The following PACRG variants were observed in gnomAD, a reference collection of about 807,000 sequenced individuals.
PACRG encodes the protein parkin coregulated gene protein.
A neutral mutation model predicts 29.7 loss-of-function variants in PACRG; 29 were observed. The observed-to-expected ratio is 0.98, with a 90% CI of 0.73 to 1.33. PACRG has a LOEUF of 1.33. Ranked by LOEUF, PACRG falls within the 40% of genes most tolerant of loss-of-function variation. The pLI is 0.00. For synonymous variants in PACRG, 116 were observed against 118.7 expected (o/e 0.98, Z 0.15); for missense variants, 279 against 316.2 (o/e 0.88, Z 0.89).
intron 4 of PACRG, among the ~76,000 whole-genome samples, chr6:163,197,629 T>G (rs1780528659): frequency 6.6e-6 from 1 of 151,792 alleles, no homozygotes. Context: ...TTTCGTGTTT[T>G]TAGTAGAGAC....
chr6:163,271,636 C>CGCATGTATATCAATTAAATTCCT (rs1554238323), intron 4 of PACRG, among the ~76,000 whole-genome samples: 1 of 152,156 alleles, frequency 6.6e-6, no homozygotes, highest in Non-Finnish European at 1.5e-5. Context: ...TTTGAGATGA[C>CGCATGTATATCAATTAAATTCCT]GCATGTATAT....
At chr6:163,220,499 C>T (rs1395303578) in intron 4 of PACRG, among the ~76,000 whole-genome samples, 4 of 152,024 alleles carry the variant, frequency 2.6e-5, no homozygotes, top group Non-Finnish European at 4.4e-5. Flanking sequence ...GGCTCTAAGG[C>T]GGAGAAGATG....
At chr6:162,986,136 G>A (rs1584940646) in intron 2 of PACRG, among the ~76,000 whole-genome samples, 1 of 152,082 alleles carries the variant, frequency 6.6e-6, no homozygotes, top group East Asian at 1.9e-4. Flanking sequence ...TGACCATACT[G>A]CCAAAAGTAA....
intron 4 of PACRG, among the ~76,000 whole-genome samples, chr6:163,276,577 G>A (rs961944160): frequency 1.3e-5 from 2 of 152,132 alleles, no homozygotes; most frequent in Non-Finnish European, 2.9e-5. Context: ...GTGGGTTGCC[G>A]TGGTCGGAAT....
At chr6:163,038,251 A>G (rs1808388307) in intron 2 of PACRG, among the ~76,000 whole-genome samples, 1 of 152,344 alleles carries the variant, frequency 6.6e-6, no homozygotes, top group Non-Finnish European at 1.5e-5. Flanking sequence ...GAATAAAAAG[A>G]TGAACATCAA....
intron 2 of PACRG, among the ~76,000 whole-genome samples, chr6:162,907,779 A>G (rs550019231): frequency 6.6e-6 from 1 of 152,336 alleles, no homozygotes; most frequent in South Asian, 2.1e-4. Flanking sequence ...ACATATTTTG[A>G]AAGCAAGTCC....
chr6:163,127,610 G>A (rs1208814962), intron 4 of PACRG, among the ~76,000 whole-genome samples: 1 of 152,104 alleles, frequency 6.6e-6, no homozygotes, highest in Non-Finnish European at 1.5e-5. Context: ...CCCCTTCCTG[G>A]GCTATAGAAT....
chr6:162,752,903 A>C (rs1475751880), intron 1 of PACRG, among the ~76,000 whole-genome samples: 3 of 152,022 alleles, frequency 2.0e-5, no homozygotes, highest in Non-Finnish European at 4.4e-5. Context: ...ATTCCACCAT[A>C]TACTTTATTT....
chr6:163,114,874 AG>A (rs1815898632), intron 4 of PACRG, among the ~76,000 whole-genome samples: 1 of 151,620 alleles, frequency 6.6e-6, no homozygotes, highest in Non-Finnish European at 1.5e-5. Context: ...AAAAAAAAAA[AG>A]GTAATAATGT....
intron 4 of PACRG, among the ~76,000 whole-genome samples, chr6:163,100,408 C>A (rs1445344345): frequency 6.6e-6 from 1 of 152,174 alleles, no homozygotes; most frequent in Non-Finnish European, 1.5e-5. Flanking sequence ...AAGGCCCAGG[C>A]GTCGCGCGGC....
intron 1 of PACRG, among the ~76,000 whole-genome samples, chr6:162,748,902 A>T (rs1781302102): frequency 6.6e-6 from 1 of 152,184 alleles, no homozygotes; most frequent in Non-Finnish European, 1.5e-5. Context: ...CAAGATAATG[A>T]ATATATTCAT....
chr6:163,241,281 T>G (rs1425663087), intron 4 of PACRG, among the ~76,000 whole-genome samples: 1 of 152,242 alleles, frequency 6.6e-6, no homozygotes, highest in Non-Finnish European at 1.5e-5. Flanking sequence ...GAATGTTCAC[T>G]TAACATATTT....
intron 4 of PACRG, among the ~76,000 whole-genome samples, chr6:163,203,694 TG>T (rs796685011): frequency 1.9e-4 from 29 of 152,308 alleles, no homozygotes; most frequent in African/African-American, 6.7e-4. Context: ...TTAAAATACA[TG>T]GTGTCACCAG....
intron 1 of PACRG, among the ~76,000 whole-genome samples, chr6:162,749,516 C>A (rs568716398): frequency 8.6e-5 from 13 of 152,032 alleles, no homozygotes; most frequent in Admixed American, 8.5e-4. Context: ...TAAAAGGAAA[C>A]ATATTTCTTT....
chr6:163,249,154 T>C (rs533596471), intron 4 of PACRG, among the ~76,000 whole-genome samples: 4 of 152,318 alleles, frequency 2.6e-5, no homozygotes, highest in South Asian at 2.1e-4. Context: ...GTTTTGATCA[T>C]GTCTAGTGGC....
At chr6:162,802,804 C>T (rs1167477096) in intron 1 of PACRG, among the ~76,000 whole-genome samples, 1 of 152,078 alleles carries the variant, frequency 6.6e-6, no homozygotes, top group Non-Finnish European at 1.5e-5. Context: ...AAAAAATGGT[C>T]TCTCTCACTT....
upstream of PACRG, chr6:162,727,808 C>T (rs542048864): frequency 2.3e-6 from 2 of 882,474 alleles, no homozygotes; most frequent in Admixed American, 2.4e-5. Context: ...GGAATGCGCA[C>T]GCGCGGAGGG....
rs560310327 is a variant in PACRG at position 162,947,983 on chromosome 6, A to G, written c.292-114167A>G. On this transcript the variant is annotated intron_variant, in intron 2 of 4. Coordinates refer to ENST00000366888, the MANE Select transcript of PACRG (RefSeq NM_001080379.2). ...ATGACCTTATTACCCAAAGCAATCT[A>G]CAAATTGAATGAAATCCCTATCAAA... Among the ~76,000 whole-genome samples, 7 of 152,156 alleles carry G rather than the reference A, an allele frequency of 4.6e-5. No homozygotes were observed. In the East Asian group the frequency reaches 1.2e-3, roughly 25 times the overall value.
chr6:163,235,174 T>C (rs756322406), intron 4 of PACRG, among the ~76,000 whole-genome samples: 5 of 152,162 alleles, frequency 3.3e-5, no homozygotes, highest in Non-Finnish European at 7.4e-5. Context: ...ATGGGAGTTG[T>C]GGGCATGACT....
Sources: allele counts gnomAD v4.1 joint callset (sites outside exome capture counted in the v4.1 genomes callset), GRCh38; gene constraint gnomAD v4.1.1; transcripts MANE v1.5; gene names NCBI Gene and HGNC (gene_info 2026-07-23, HGNC 2026-07-21).